PODXL2: variants seen among roughly 807,000 people sequenced by gnomAD.
PODXL2 encodes podocalyxin-like protein 2.
Under a neutral mutation model 53.4 loss-of-function variants are expected in PODXL2, and 17 were observed. The observed-to-expected ratio is 0.32, with a 90% CI of 0.22 to 0.48. The LOEUF (loss-of-function observed/expected upper bound fraction) is 0.48. Ranked by LOEUF, PODXL2 falls within the 20% of genes least tolerant of loss-of-function variation. The probability of loss-of-function intolerance (pLI) is 0.99; values close to 1 mark genes in which losing one functional copy is unlikely to be tolerated. For missense variants in PODXL2, 673 were observed against 760.0 expected (o/e 0.89, Z 1.35); for synonymous variants, 311 against 306.7 (o/e 1.01, Z -0.15).
intron 4 of PODXL2, 37 bp from the exon 5 acceptor site, chr3:127,668,404 C>T (rs1199973946): frequency 6.8e-6 from 10 of 1,476,182 alleles, no homozygotes; most frequent in Admixed American, 2.4e-5. Context: ...AGCCCCTTTC[C>T]TTCACTGAAC....
intron 6 of PODXL2, among the ~76,000 whole-genome samples, chr3:127,670,521 G>T (rs2074825859): frequency 6.6e-6 from 1 of 152,232 alleles, no homozygotes; most frequent in Non-Finnish European, 1.5e-5. Context: ...TTGGCCAAAA[G>T]TCATGCTGGG....
In PODXL2 at chr3:127,661,096, C is replaced by A. The variant is rs1329726186; in HGVS notation, c.1068C>A (p.Asn356Lys). ...SSATLGQEDL[N>K]QQLLEGQAAE... ...CTACCTTGGGACAAGAAGATCTCAACCAGCAGCTCCTAGAAGGGCAGGCAG... is the reference window on the plus strand; with the variant it reads ...CTACCTTGGGACAAGAAGATCTCAAACAGCAGCTCCTAGAAGGGCAGGCAG... The change falls in exon 3 of 8, where the codon AAC (asparagine) becomes AAA (lysine). Residue 356 changes from asparagine (N) to lysine (K), a missense_variant. By Grantham distance (94) the Asn-to-Lys change is moderately conservative. Around this residue, in one of 3 missense-constraint regions of PODXL2, gnomAD observed 588 missense variants for 668.3 expected, o/e 0.88. Coordinates refer to ENST00000342480, the MANE Select transcript of PODXL2 (RefSeq NM_015720.4). The A allele has an allele frequency of 6.2e-7, 1 of 1,614,218 alleles. No individual in the cohort carries two copies. Among genetic ancestry groups the A allele is most frequent in the East Asian group, 2.2e-5 (1 of 44,888 alleles).
intron 6 of PODXL2, among the ~76,000 whole-genome samples, chr3:127,669,964 T>C (rs1371872960): frequency 6.6e-6 from 1 of 152,242 alleles, no homozygotes; most frequent in Non-Finnish European, 1.5e-5. Flanking sequence ...TCCAGTGCCC[T>C]GTCATCAGCC....
rs761492717 is a variant in PODXL2 at position 127,671,430 on chromosome 3, C to G, written c.1426-4C>G. Reference sequence around the variant, plus strand: ...CTGAGGAAACTGGCCCCTCCCACCCCTAGATTGGCATCCAGAACTATTCCA... The same window carrying G: ...CTGAGGAAACTGGCCCCTCCCACCCGTAGATTGGCATCCAGAACTATTCCA... On this transcript the variant is annotated splice_polypyrimidine_tract_variant and splice_region_variant and intron_variant, in intron 6 of 7. Transcript: ENST00000342480. The G allele has an allele frequency of 1.2e-6, 2 of 1,613,164 alleles. No homozygotes were observed. Among genetic ancestry groups the G allele is most frequent in the South Asian group, 2.2e-5 (2 of 91,066 alleles).
chr3:127,629,633 T>C lies in PODXL2; in HGVS notation c.70+344T>C, dbSNP rs2074529309. ...GTGTGGGTGTGCATGTGTGTGCGTG[T>C]GCTTGTGTGTGTGCGAGTGCATTGT... On this transcript the variant is annotated intron_variant, in intron 1 of 7. Transcript: ENST00000342480. This position sits in a 1 kb window ranked among gnomAD's most constrained non-coding sequence, Gnocchi z 6.4. Among the ~76,000 whole-genome samples the C allele has an allele frequency of 6.6e-6, 1 of 151,724 alleles. No homozygotes were observed. Among genetic ancestry groups the C allele is most frequent in the South Asian group, 2.1e-4 (1 of 4,818 alleles).
At position 127,661,063 on chromosome 3, in the gene PODXL2, T is replaced by C; in HGVS notation, c.1035T>C (p.Pro345=). 1 of 1,614,192 alleles carries C rather than the reference T, an allele frequency of 6.2e-7. No individual in the cohort carries two copies. Among genetic ancestry groups the C allele is most frequent in the Non-Finnish European group, 8.5e-7 (1 of 1,180,022 alleles). The part of the protein sequence containing the change: ...PLAPGDMELT[P]SSATLGQEDL... Reference sequence around the variant, plus strand: ...CCCCTGGAGACATGGAACTGACACCTTCCTCTGCTACCTTGGGACAAGAAG... The same window carrying C: ...CCCCTGGAGACATGGAACTGACACCCTCCTCTGCTACCTTGGGACAAGAAG... Residue 345 remains proline, a synonymous_variant, in exon 3 of 8, where the codon CCT becomes CCC. Coordinates refer to ENST00000342480, the MANE Select transcript of PODXL2 (RefSeq NM_015720.4).
intron 4 of PODXL2, among the ~76,000 whole-genome samples, chr3:127,663,155 G>A (rs909059895): frequency 3.3e-5 from 5 of 152,148 alleles, no homozygotes; most frequent in African/African-American, 7.2e-5. Flanking sequence ...GCAGCACTGC[G>A]GGAAGAACTA....
intron 6 of PODXL2, among the ~76,000 whole-genome samples, chr3:127,669,585 C>T (rs191124078): frequency 9.9e-5 from 15 of 152,262 alleles, no homozygotes; most frequent in African/African-American, 3.4e-4. Flanking sequence ...GAGGGGCGAG[C>T]ATGATGGGTT....
rs2074865965 is a variant in PODXL2 at position 127,672,787 on chromosome 3, C to T, written c.*307C>T. ...GACTCAATTAAACCCGCCCGGAGAC[C>T]ACGCCGGGCCCAGCGCGTCTGCCTT... On this transcript the variant is annotated 3_prime_UTR_variant, in exon 8 of 8. Transcript: ENST00000342480. 5.7e-6 allele frequency: 2 copies of T among 348,794 alleles called. No homozygotes were observed. The highest frequency in any genetic ancestry group is 1.0e-5 in the Non-Finnish European group (2 of 200,734). 21.6% of individuals were successfully genotyped at this position (348,794 alleles called of 1,614,324 possible).
chr3:127,642,950 G>A (rs1335475301), intron 2 of PODXL2, among the ~76,000 whole-genome samples: 1 of 152,048 alleles, frequency 6.6e-6, no homozygotes, highest in Non-Finnish European at 1.5e-5. Flanking sequence ...AGGGTTGTGA[G>A]GTTCACACAC....
At chr3:127,639,612 C>G (rs1015443078) in intron 2 of PODXL2, 89 bp downstream of exon 2, 4 of 1,214,814 alleles carry the variant, frequency 3.3e-6, no homozygotes, top group African/African-American at 1.5e-5. Context: ...CCAGAAGCAT[C>G]TCTTCTCTCT....
chr3:127,632,676 GCAAAGCAGTCTGCTACATCGGCT>G (rs1463535637), intron 1 of PODXL2, among the ~76,000 whole-genome samples: 4 of 152,176 alleles, frequency 2.6e-5, no homozygotes, highest in Non-Finnish European at 5.9e-5. Flanking sequence ...TACTGCTTTT[GCAAAGCAGTCTGCTACATCGGCT>G]CATATCCCCT....
At chr3:127,670,285 A>C (rs1200805023) in intron 6 of PODXL2, among the ~76,000 whole-genome samples, 1 of 152,196 alleles carries the variant, frequency 6.6e-6, no homozygotes, top group East Asian at 1.9e-4. Flanking sequence ...TAAGCGGTAG[A>C]GCCAGGCTTT....
At chr3:127,648,199 G>T (rs2074667353) in intron 2 of PODXL2, among the ~76,000 whole-genome samples, 1 of 152,206 alleles carries the variant, frequency 6.6e-6, no homozygotes, top group Admixed American at 6.5e-5. Context: ...AAGATCTGCT[G>T]CTCCCCTCAA....
At chr3:127,641,834 G>A (rs1379360022) in intron 2 of PODXL2, among the ~76,000 whole-genome samples, 2 of 151,840 alleles carry the variant, frequency 1.3e-5, no homozygotes, top group African/African-American at 4.8e-5. Context: ...TAACAACTAC[G>A]TTATATTTCA....
intron 2 of PODXL2, among the ~76,000 whole-genome samples, chr3:127,659,137 G>A (rs540124200): frequency 4.6e-5 from 7 of 152,132 alleles, no homozygotes; most frequent in African/African-American, 1.4e-4. Flanking sequence ...GCAATATTTT[G>A]TAATCTTTCT....
intron 3 of PODXL2, among the ~76,000 whole-genome samples, chr3:127,661,502 T>C (rs891669070): frequency 6.6e-6 from 1 of 151,770 alleles, no homozygotes; most frequent in African/African-American, 2.4e-5. Flanking sequence ...GTGGGCATGA[T>C]CTCGGTTCAC....
chr3:127,656,598 G>C (rs1374547169), intron 2 of PODXL2, among the ~76,000 whole-genome samples: 2 of 151,796 alleles, frequency 1.3e-5, no homozygotes, highest in Non-Finnish European at 2.9e-5. Context: ...AGCCGGGCGT[G>C]GTGGTGCATG....
Position 127,639,525 on chromosome 3 carries a change from T to A in PODXL2, c.349+2T>A. On this transcript the variant is annotated splice_donor_variant, in intron 2 of 7. Coordinates refer to ENST00000342480, the MANE Select transcript of PODXL2 (RefSeq NM_015720.4). LOFTEE classifies it high-confidence loss of function. ...GTCTGGACCTGGGACCCACTGCAGG[T>A]AGCTCTTCTTACCTACAGAGCATGT... is the stretch of plus-strand genomic sequence containing the variant. 1 of 1,608,342 alleles carries A rather than the reference T, an allele frequency of 6.2e-7. No individual in the cohort carries two copies. Among genetic ancestry groups the A allele is most frequent in the Non-Finnish European group, 8.5e-7 (1 of 1,176,806 alleles).
Sources: allele counts gnomAD v4.1 joint callset (sites outside exome capture counted in the v4.1 genomes callset), GRCh38; gene constraint gnomAD v4.1.1; regional missense constraint gnomAD v4.1.1; non-coding constraint Gnocchi (gnomAD v3.1); transcripts MANE v1.5; gene names NCBI Gene and HGNC (gene_info 2026-07-23, HGNC 2026-07-21).